Variants in PTPRD observed in about 807,000 individuals in gnomAD.
The protein encoded by PTPRD is receptor-type tyrosine-protein phosphatase delta.
A neutral mutation model predicts 214.5 loss-of-function variants in PTPRD; 34 were observed. The ratio of observed to expected loss-of-function variants is 0.16; its 90% CI spans 0.12 to 0.21. The LOEUF is 0.21. Among genes scored for constraint, PTPRD ranks in the 10% least tolerant of loss-of-function variants. The pLI, the probability that PTPRD is intolerant of heterozygous loss-of-function variation, is 1.00. For synonymous variants in PTPRD, 1,128 were observed against 845.7 expected, an observed-to-expected ratio of 1.33 and a Z score of -5.79; for missense variants, 2,545 against 2,398.7, an observed-to-expected ratio of 1.06 and a Z score of -1.27.
chr9:9,424,519 C>G (rs10977739), intron 8 of PTPRD, among the ~76,000 whole-genome samples: 123,596 of 152,100 alleles, frequency 0.81, 50,365 homozygotes, highest in African/African-American at 0.83. Context: ...CTTGTACAAT[C>G]TCTCAGGTTT....
chr9:10,480,278 G>A (rs2099089385), intron 2 of PTPRD, among the ~76,000 whole-genome samples: 1 of 152,158 alleles, frequency 6.6e-6, no homozygotes, highest in Non-Finnish European at 1.5e-5. Flanking sequence ...GACTTTGAGG[G>A]TCACAAGTTC....
At chr9:9,401,971 A>G (rs761790851) in intron 8 of PTPRD, among the ~76,000 whole-genome samples, 1 of 152,084 alleles carries the variant, frequency 6.6e-6, no homozygotes, top group Non-Finnish European at 1.5e-5. Context: ...CTCCTTTATA[A>G]GTTACCTAGT....
At chr9:9,276,442 G>C (rs1401780569) in intron 9 of PTPRD, among the ~76,000 whole-genome samples, 2 of 151,288 alleles carry the variant, frequency 1.3e-5, no homozygotes, top group East Asian at 2.0e-4. Context: ...TAATGGGCAA[G>C]GTGGTTTTCT....
rs16930453 is a variant in PTPRD at position 9,867,812 on chromosome 9, G to A, written c.-368+70695C>T. 3.8e-3 allele frequency among the ~76,000 whole-genome samples: 574 copies of A among 152,220 alleles called. 11 individuals are homozygous for A. The highest frequency in any genetic ancestry group is 0.031 in the Admixed American group (476 of 15,272). ...GAACTTCCTCCTCCATGGTATAAAA[G>A]CATGGCAACCAGTGAAGAAGATTCA... On this transcript the variant is annotated intron_variant, in intron 5 of 45. Transcript: ENST00000381196.
chr9:9,718,859 G>T (rs189611922), intron 7 of PTPRD, among the ~76,000 whole-genome samples: 3 of 152,190 alleles, frequency 2.0e-5, no homozygotes, highest in Admixed American at 6.5e-5. Context: ...CACGTGCCTG[G>T]TGTTGACCCT....
At chr9:9,112,348 T>A (rs1345215244) in intron 10 of PTPRD, among the ~76,000 whole-genome samples, 1 of 152,092 alleles carries the variant, frequency 6.6e-6, no homozygotes, top group African/African-American at 2.4e-5. Flanking sequence ...CTGAGACACT[T>A]CTTAATTTTC....
intron 2 of PTPRD, among the ~76,000 whole-genome samples, chr9:10,414,966 A>G (rs1229214165): frequency 6.6e-6 from 1 of 151,814 alleles, no homozygotes; most frequent in Non-Finnish European, 1.5e-5. Flanking sequence ...AGCAGAAATA[A>G]TAACTATTGG....
rs184811106 is a variant in PTPRD at position 9,181,522 on chromosome 9, T to C, written c.-143+1782A>G. 5.2e-3 allele frequency among the ~76,000 whole-genome samples: 789 copies of C among 152,046 alleles called. 5 individuals carry two copies. The highest frequency in any genetic ancestry group is 0.018 in the African/African-American group (755 of 41,534). On this transcript the variant is annotated intron_variant, in intron 10 of 45. Coordinates refer to ENST00000381196, the MANE Select transcript of PTPRD (RefSeq NM_002839.4). ...ACATCTACAAACAAATTTATGTACCTCCTACTGTGTCAAATAGTATTCACC... is the reference window on the plus strand; with the variant it reads ...ACATCTACAAACAAATTTATGTACCCCCTACTGTGTCAAATAGTATTCACC...
chr9:8,723,978 C>G (rs904609278), intron 12 of PTPRD, among the ~76,000 whole-genome samples: 2 of 152,084 alleles, frequency 1.3e-5, no homozygotes, highest in African/African-American at 4.8e-5. Context: ...TTTTGAAAAC[C>G]TATTGCAAAT....
intron 5 of PTPRD, among the ~76,000 whole-genome samples, chr9:9,814,308 G>GAAAAAAAAAA (rs34297202): frequency 7.0e-6 from 1 of 142,600 alleles, no homozygotes. Context: ...AGGTAAGAAA[G>GAAAAAAAAAA]AAAAAAAAAA....
intron 3 of PTPRD, among the ~76,000 whole-genome samples, chr9:10,273,585 A>G (rs894744661): frequency 1.3e-5 from 2 of 152,156 alleles, no homozygotes; most frequent in Non-Finnish European, 2.9e-5. Flanking sequence ...GGTGATTCCT[A>G]AGTGTATATC....
rs1427738975 is a variant in PTPRD, at chr9:8,633,348, T to C, written c.321A>G (p.Ile107Met). ...ECVASNNVGE[I>M]SVSTRLTVLR... ...AAACTGTGAGTCTGGTGGATACACT[T>C]ATTTCTCCCACATTATTTGAGGCCA... Residue 107 changes from isoleucine to methionine, a missense_variant, in exon 14 of 46, where the codon ATA (isoleucine) becomes ATG (methionine). By Grantham distance (10) the Ile-to-Met change is conservative. Coordinates refer to ENST00000381196, the MANE Select transcript of PTPRD (RefSeq NM_002839.4). 3.7e-6 allele frequency: 6 copies of C among 1,612,722 alleles called. No individual in the cohort carries two copies. The highest frequency in any genetic ancestry group is 2.2e-5 in the South Asian group (2 of 90,996).
chr9:10,408,344 C>G (rs1307711190), intron 2 of PTPRD, among the ~76,000 whole-genome samples: 1 of 151,428 alleles, frequency 6.6e-6, no homozygotes, highest in African/African-American at 2.4e-5. Flanking sequence ...AGTTAGCCTG[C>G]TATGTAATGC....
chr9:10,577,201 G>C (rs1266500238), intron 2 of PTPRD, among the ~76,000 whole-genome samples: 1 of 152,082 alleles, frequency 6.6e-6, no homozygotes, highest in Non-Finnish European at 1.5e-5. Flanking sequence ...TTCCAAGTAA[G>C]TTAACTGATA....
At chr9:8,454,649 A>T in intron 33 of PTPRD, 1 of 1,587,600 alleles carries the variant, frequency 6.3e-7, no homozygotes, top group Non-Finnish European at 8.6e-7. Context: ...TTAGTTGGCC[A>T]ATGGTAACAA....
intron 8 of PTPRD, among the ~76,000 whole-genome samples, chr9:9,401,042 A>C (rs2070215064): frequency 6.6e-6 from 1 of 152,054 alleles, no homozygotes; most frequent in Admixed American, 6.6e-5. Flanking sequence ...AGAAAAAATT[A>C]AATATATATT....
chr9:10,555,511 T>C (rs182992341), intron 2 of PTPRD, among the ~76,000 whole-genome samples: 1 of 152,286 alleles, frequency 6.6e-6, no homozygotes, highest in African/African-American at 2.4e-5. Context: ...ACTTGGGTTT[T>C]TGCAGCCCTA....
intron 14 of PTPRD, among the ~76,000 whole-genome samples, chr9:8,600,975 C>A (rs1044442054): frequency 1.3e-5 from 2 of 152,110 alleles, no homozygotes; most frequent in African/African-American, 4.8e-5. Flanking sequence ...GGGTCCCCAG[C>A]ATCCTGGATG....
chr9:9,261,203 T>C (rs1034233139), intron 9 of PTPRD, among the ~76,000 whole-genome samples: 1 of 151,852 alleles, frequency 6.6e-6, no homozygotes, highest in Admixed American at 6.6e-5. Flanking sequence ...AAATGAAATA[T>C]AATATTATTA....
Sources: allele counts gnomAD v4.1 joint callset (sites outside exome capture counted in the v4.1 genomes callset), GRCh38; gene constraint gnomAD v4.1.1; transcripts MANE v1.5; gene names NCBI Gene and HGNC (gene_info 2026-07-23, HGNC 2026-07-21).